Variants in EMILIN2 observed in about 807,000 individuals in gnomAD.
The protein encoded by EMILIN2 is EMILIN-2.
EMILIN2 carries 71 observed loss-of-function variants against 87.1 expected under a neutral mutation model. The observed-to-expected ratio is 0.82, with a 90% CI of 0.67 to 0.99. The LOEUF (loss-of-function observed/expected upper bound fraction) is 0.99. EMILIN2 is among the 50% of genes least tolerant of loss of function. The probability of loss-of-function intolerance (pLI) is 0.00; values close to 1 mark genes in which losing one functional copy is unlikely to be tolerated. For synonymous variants in EMILIN2, 581 were observed against 563.4 expected, an observed-to-expected ratio of 1.03 and a Z score of -0.44; for missense variants, 1,407 against 1,371.8, an observed-to-expected ratio of 1.03 and a Z score of -0.40.
chr18:2,889,692 C>CTTTTTTTT (rs34248672), intron 3 of EMILIN2, among the ~76,000 whole-genome samples: 11 of 96,650 alleles, frequency 1.1e-4, no homozygotes, highest in African/African-American at 3.7e-4. Context: ...TTTTTCTTTT[C>CTTTTTTTT]TTTTTTTTTT....
intron 5 of EMILIN2, among the ~76,000 whole-genome samples, chr18:2,908,019 G>C (rs1030698906): frequency 5.9e-5 from 9 of 152,222 alleles, no homozygotes; most frequent in Non-Finnish European, 8.8e-5. Context: ...TGTCTGGAAG[G>C]CTGGGTCACT....
rs577216564 is a variant in EMILIN2 at position 2,887,471 on chromosome 18, C to T, written c.433+2332C>T. ...CATGAATGGCTTGGTACCCTCCTTGCGGTAATAAATGAGTTCTTGCTCTGT... is the reference window on the plus strand; with the variant it reads ...CATGAATGGCTTGGTACCCTCCTTGTGGTAATAAATGAGTTCTTGCTCTGT... On this transcript the variant is annotated intron_variant, in intron 3 of 7. Transcript: ENST00000254528. Among the ~76,000 whole-genome samples, 569 of 131,552 alleles carry T rather than the reference C, an allele frequency of 4.3e-3. 2 individuals carry two copies. The highest frequency in any genetic ancestry group is 0.016 in the Middle Eastern group (4 of 246). 86.3% of individuals were successfully genotyped at this position (131,552 alleles called of 152,430 possible).
At chr18:2,879,647 A>C (rs1286866553) in intron 2 of EMILIN2, among the ~76,000 whole-genome samples, 2 of 151,854 alleles carry the variant, frequency 1.3e-5, no homozygotes, top group Non-Finnish European at 2.9e-5. Context: ...AGCGACAGAG[A>C]GAGACTCCGT....
At chr18:2,866,212 T>C (rs2076686033) in intron 2 of EMILIN2, among the ~76,000 whole-genome samples, 1 of 152,214 alleles carries the variant, frequency 6.6e-6, no homozygotes, top group African/African-American at 2.4e-5. Flanking sequence ...CTGCACCCAC[T>C]GTCCGACACT....
At chr18:2,886,878 G>C (rs1323670496) in intron 3 of EMILIN2, among the ~76,000 whole-genome samples, 1 of 152,062 alleles carries the variant, frequency 6.6e-6, no homozygotes, top group Non-Finnish European at 1.5e-5. Flanking sequence ...TCTTGAAGAA[G>C]TCTCCCTTGA....
chr18:2,878,127 G>C (rs1332681275), intron 2 of EMILIN2, among the ~76,000 whole-genome samples: 1 of 80,762 alleles, frequency 1.2e-5, no homozygotes, highest in African/African-American at 5.0e-5. Context: ...GGTTAGTGGT[G>C]ATGATTACAT....
intron 2 of EMILIN2, among the ~76,000 whole-genome samples, chr18:2,869,431 G>A (rs774094665): frequency 2.0e-5 from 3 of 152,074 alleles, no homozygotes; most frequent in Non-Finnish European, 2.9e-5. Flanking sequence ...TTCTCTCCAC[G>A]TACCCCCTCC....
In EMILIN2 at chr18:2,891,193, G is replaced by A. The variant is rs1401163922; in HGVS notation, c.1066G>A (p.Asp356Asn). Residue 356 changes from aspartate (D) to asparagine (N), a missense_variant, in exon 4 of 8, where the codon GAT (aspartate) becomes AAT (asparagine). By Grantham distance (23) the Asp-to-Asn change is conservative. Coordinates refer to ENST00000254528, the MANE Select transcript of EMILIN2 (RefSeq NM_032048.3). The surrounding 1 kb of genome is among the most constrained non-coding windows in gnomAD (Gnocchi z 4.6). ...GCTCACTGGCCTCCAGCAGCAGTGT[G>A]ATGACTATGGGAGCAGCTACCTGGG... The part of the protein sequence containing the change: ...YKLTGLQQQC[D>N]DYGSSYLGVI... The A allele has an allele frequency of 1.1e-5, 17 of 1,614,236 alleles. No homozygotes were observed. Among genetic ancestry groups the A allele is most frequent in the Non-Finnish European group, 1.4e-5 (17 of 1,180,048 alleles).
intron 7 of EMILIN2, among the ~76,000 whole-genome samples, chr18:2,910,586 C>G (rs8092411): frequency 4.6e-5 from 7 of 152,230 alleles, no homozygotes; most frequent in African/African-American, 1.7e-4. Context: ...TGACGTCTCT[C>G]TCTGCCCTCA....
chr18:2,855,079 C>T (rs1281945960), intron 2 of EMILIN2, among the ~76,000 whole-genome samples: 2 of 152,184 alleles, frequency 1.3e-5, no homozygotes, highest in East Asian at 1.9e-4. Flanking sequence ...GACTCCTGCA[C>T]GGGAGGGCTG....
chr18:2,847,010 G>T lies in EMILIN2; in HGVS notation c.-179G>T. The stretch of plus-strand genomic sequence containing the variant: ...GCGCAGGGCGCACGGGGCTGCAGAA[G>T]GAGAAGTAGGAACGAGAAGCCGGAG... On this transcript the variant is annotated 5_prime_UTR_variant, in exon 1 of 8. It adds an upstream start codon to the 5' untranslated region. Coordinates refer to ENST00000254528, the MANE Select transcript of EMILIN2 (RefSeq NM_032048.3). This position sits in a 1 kb window ranked among gnomAD's most constrained non-coding sequence, Gnocchi z 4.5. 1 of 1,042,418 alleles carries T rather than the reference G, an allele frequency of 9.6e-7. No homozygotes were observed. The highest frequency in any genetic ancestry group is 1.2e-6 in the Non-Finnish European group (1 of 862,246). 64.6% of individuals were successfully genotyped at this position (1,042,418 alleles called of 1,614,324 possible).
chr18:2,910,352 G>A (rs1443985581), intron 7 of EMILIN2, among the ~76,000 whole-genome samples: 7 of 152,218 alleles, frequency 4.6e-5, no homozygotes, highest in Non-Finnish European at 8.8e-5. Context: ...TTTCTGCAGC[G>A]CCTGGCGTGT....
At position 2,892,343 on chromosome 18, in the gene EMILIN2, A is replaced by G; in HGVS notation, c.2216A>G (p.Asn739Ser). The change falls in exon 4 of 8, where the codon AAC becomes AGC. Residue 739 changes from asparagine (N) to serine (S), a missense_variant. Asn to Ser is a conservative substitution (Grantham distance 46, BLOSUM62 1). Transcript: ENST00000254528. The stretch of plus-strand genomic sequence containing the variant: ...AACAAGCATGTCAGCAGCCTGTGGA[A>G]CTGTGTCAGGCAGATGAACGGAACG... ...GLNKHVSSLW[N>S]CVRQMNGTLR... 1 of 1,614,134 alleles carries G rather than the reference A, an allele frequency of 6.2e-7. No individual in the cohort carries two copies. The highest frequency in any genetic ancestry group is 1.1e-5 in the South Asian group (1 of 91,080).
chr18:2,890,854 A>G lies in EMILIN2; in HGVS notation c.727A>G (p.Thr243Ala). Residue 243 changes from threonine to alanine, a missense_variant, in exon 4 of 8, where the codon ACA becomes GCA. Physicochemically the swap from Thr to Ala is moderately conservative, Grantham distance 58. Transcript: ENST00000254528. This position sits in a 1 kb window ranked among gnomAD's most constrained non-coding sequence, Gnocchi z 4.7. Reference protein sequence around the residue: ...PKPDTTVSGDTETGQSPGVFN... With the variant: ...PKPDTTVSGDAETGQSPGVFN... ...GCCTGACACCACTGTTAGTGGAGAC[A>G]CAGAAACGGGCCAGAGTCCTGGTGT... The G allele has an allele frequency of 6.2e-7, 1 of 1,613,900 alleles. No individual in the cohort carries two copies.
chr18:2,847,905 C>T lies in EMILIN2; in HGVS notation c.231C>T (p.Asn77=), dbSNP rs2076583801. ...FIQAQYNCAW[N]QMPCPSALVY... ...AGGCTCAGTACAACTGTGCCTGGAA[C>T]CAGATGCCCTGTCCGTCGGCGCTGG... The change falls in exon 2 of 8, where the codon AAC becomes AAT. Residue 77 remains asparagine, a synonymous_variant. Transcript: ENST00000254528. This position sits in a 1 kb window ranked among gnomAD's most constrained non-coding sequence, Gnocchi z 4.5. 2 of 1,612,790 alleles carry T rather than the reference C, an allele frequency of 1.2e-6. No homozygotes were observed. Among genetic ancestry groups the T allele is most frequent in the East Asian group, 4.5e-5 (2 of 44,866 alleles).
At chr18:2,873,045 G>A (rs2076727996) in intron 2 of EMILIN2, among the ~76,000 whole-genome samples, 1 of 137,610 alleles carries the variant, frequency 7.3e-6, no homozygotes, top group South Asian at 2.3e-4. Flanking sequence ...CAGATTATGT[G>A]ATTTAAAAAA....
intron 7 of EMILIN2, among the ~76,000 whole-genome samples, chr18:2,911,918 G>A (rs1257360174): frequency 2.9e-5 from 4 of 139,848 alleles, no homozygotes; most frequent in Non-Finnish European, 6.6e-5. Context: ...AGGTACCTTA[G>A]GAAGCATCTG....
intron 5 of EMILIN2, 21 bp from the exon 6 acceptor site, chr18:2,908,922 C>T: frequency 6.2e-7 from 1 of 1,613,788 alleles, no homozygotes; most frequent in Admixed American, 1.7e-5. Flanking sequence ...TTTGACATGC[C>T]ATTTCCTTTC....
chr18:2,850,168 G>C (rs1337623701), intron 2 of EMILIN2, among the ~76,000 whole-genome samples: 1 of 141,144 alleles, frequency 7.1e-6, no homozygotes, highest in Non-Finnish European at 1.5e-5. Flanking sequence ...TCTCGAACTT[G>C]AGCTCAGGCA....
Sources: allele counts gnomAD v4.1 joint callset (sites outside exome capture counted in the v4.1 genomes callset), GRCh38; gene constraint gnomAD v4.1.1; non-coding constraint Gnocchi (gnomAD v3.1); transcripts MANE v1.5; gene names NCBI Gene and HGNC (gene_info 2026-07-23, HGNC 2026-07-21).